Variants in CHRNA5 observed in about 807,000 individuals in gnomAD.
CHRNA5 encodes the protein cholinergic receptor nicotinic alpha 5 subunit.
A neutral mutation model predicts 41.2 loss-of-function variants in CHRNA5; 28 were observed. That is an observed-to-expected ratio of 0.68 (90% CI 0.50 to 0.93). The LOEUF (loss-of-function observed/expected upper bound fraction) is 0.93, where lower values mean the gene tolerates loss of function less well. Ranked by LOEUF, CHRNA5 falls within the 40% of genes least tolerant of loss-of-function variation. The pLI, the probability that CHRNA5 is intolerant of heterozygous loss-of-function variation, is 0.00. For missense variants in CHRNA5, 481 were observed against 581.9 expected (o/e 0.83, Z 1.78); for synonymous variants, 188 against 205.8 (o/e 0.91, Z 0.74).
At chr15:78,567,252 C>CA (rs201126738) in intron 1 of CHRNA5, among the ~76,000 whole-genome samples, 3,768 of 78,564 alleles carry the variant, frequency 0.048, 125 homozygotes, top group African/African-American at 0.12. Flanking sequence ...GACTCCGTCT[C>CA]AAAAAAAAAA....
chr15:78,586,199 G>A (rs951266), intron 2 of CHRNA5, among the ~76,000 whole-genome samples: 38,799 of 152,044 alleles, frequency 0.26, 6,004 homozygotes, highest in Middle Eastern at 0.41. Flanking sequence ...CAGAAATACC[G>A]TATCTCACTG....
intron 1 of CHRNA5, among the ~76,000 whole-genome samples, chr15:78,570,845 A>T (rs981614291): frequency 2.0e-5 from 3 of 152,108 alleles, no homozygotes; most frequent in African/African-American, 7.3e-5. Flanking sequence ...TTGTTGTCAG[A>T]GGGGGGCGTC....
intron 2 of CHRNA5, among the ~76,000 whole-genome samples, chr15:78,582,262 G>A (rs2052919334): frequency 6.6e-6 from 1 of 152,104 alleles, no homozygotes; most frequent in Non-Finnish European, 1.5e-5. Context: ...AAGGTGGGTG[G>A]ATCACTTGAG....
At chr15:78,566,596 G>A (rs12908606) in intron 1 of CHRNA5, among the ~76,000 whole-genome samples, 3 of 152,166 alleles carry the variant, frequency 2.0e-5, no homozygotes, top group Non-Finnish European at 4.4e-5. Flanking sequence ...CTAAGCATCC[G>A]TTAAGCAAGA....
In CHRNA5 at chr15:78,588,283, T is replaced by G; in HGVS notation, c.304-31T>G. 1.7e-6 allele frequency: 2 copies of G among 1,204,312 alleles called. No individual in the cohort carries two copies. The highest frequency in any genetic ancestry group is 2.4e-6 in the Non-Finnish European group (2 of 843,404). 74.6% of individuals were successfully genotyped at this position (1,204,312 alleles called of 1,614,324 possible). A position where few individuals can be genotyped will look rare whatever the true frequency, so the allele number is the denominator to read the frequency against. On this transcript the variant is annotated intron_variant, in intron 3 of 5. Transcript: ENST00000299565. The surrounding 1 kb of genome is among the most constrained non-coding windows in gnomAD (Gnocchi z 4.1). ...CACTGTTTTTGACTATTAGTTTTAT[T>G]GAAATTGAGGCAGATTTCTTTGTTT...
intron 1 of CHRNA5, among the ~76,000 whole-genome samples, chr15:78,567,239 C>A (rs549589682): frequency 6.9e-6 from 1 of 145,174 alleles, no homozygotes; most frequent in Non-Finnish European, 1.5e-5. Context: ...GGCAACACAG[C>A]GAGACTCCGT....
chr15:78,593,478 TATCTG>T (rs2053045496), exon 6 of CHRNA5: 1 of 350,840 alleles, frequency 2.9e-6, no homozygotes, highest in Non-Finnish European at 5.1e-6. Flanking sequence ...AGCAAAATAT[TATCTG>T]AACTGGACTA....
chr15:78,567,363 C>G (rs992772770), intron 1 of CHRNA5, among the ~76,000 whole-genome samples: 1 of 152,058 alleles, frequency 6.6e-6, no homozygotes, highest in Non-Finnish European at 1.5e-5. Context: ...CAGTGCCTGA[C>G]ACTCGAGAAA....
chr15:78,592,725 GTC>G (rs1167064519), intron 5 of CHRNA5, among the ~76,000 whole-genome samples: 1 of 152,184 alleles, frequency 6.6e-6, no homozygotes, highest in Non-Finnish European at 1.5e-5. Context: ...TCAGGCTAGA[GTC>G]TCTCAAAATA....
At chr15:78,576,247 A>G (rs1027758977) in intron 1 of CHRNA5, among the ~76,000 whole-genome samples, 2 of 152,116 alleles carry the variant, frequency 1.3e-5, no homozygotes, top group Non-Finnish European at 2.9e-5. Context: ...CCCAGGTTCA[A>G]TAGATCCTCC....
chr15:78,568,762 T>A (rs563214054), intron 1 of CHRNA5, among the ~76,000 whole-genome samples: 3 of 152,330 alleles, frequency 2.0e-5, no homozygotes, highest in African/African-American at 4.8e-5. Flanking sequence ...GTTAGTTTGC[T>A]GAGCATGATG....
intron 1 of CHRNA5, among the ~76,000 whole-genome samples, chr15:78,570,424 A>ACTTTTTTTTTTTTT (rs1555414803): frequency 1.6e-5 from 1 of 64,184 alleles, no homozygotes; most frequent in Non-Finnish European, 2.7e-5. Flanking sequence ...AATCCCGGCT[A>ACTTTTTTTTTTTTT]TTTTTTTTTT....
chr15:78,582,490 AAAAAAGAAAAG>A (rs1567058289), intron 2 of CHRNA5, among the ~76,000 whole-genome samples: 1 of 137,852 alleles, frequency 7.3e-6, no homozygotes, highest in Non-Finnish European at 1.6e-5. Context: ...GTCTCAAAAA[AAAAAAGAAAAG>A]AAAAGAAAAA....
At chr15:78,570,786 C>T (rs2052797260) in intron 1 of CHRNA5, among the ~76,000 whole-genome samples, 1 of 151,890 alleles carries the variant, frequency 6.6e-6, no homozygotes, top group Non-Finnish European at 1.5e-5. Flanking sequence ...AAACTCTTTC[C>T]TCTAGGTCAG....
At chr15:78,589,953 T>C in exon 5 of CHRNA5, 9 of 1,614,140 alleles carry the variant, frequency 5.6e-6, no homozygotes, top group Non-Finnish European at 7.6e-6. Context: ...TTCCATGAAA[T>C]TTGGTTCTTG....
intron 4 of CHRNA5, chr15:78,589,538 C>A: frequency 2.7e-6 from 1 of 366,122 alleles, no homozygotes; most frequent in Non-Finnish European, 4.9e-6. Context: ...TCTTTTCAAT[C>A]ATTAGAATCT....
chr15:78,565,704 G>A, exon 1 of CHRNA5: 1 of 1,107,738 alleles, frequency 9.0e-7, no homozygotes, highest in Non-Finnish European at 1.1e-6. Context: ...CCGCGGTCCC[G>A]CGCGGGCGCG....
At chr15:78,593,296 A>T in exon 6 of CHRNA5, 2 of 1,516,476 alleles carry the variant, frequency 1.3e-6, no homozygotes, top group Non-Finnish European at 1.8e-6. Context: ...TAACACACAT[A>T]TATCTGATGG....
At chr15:78,590,134 G>A (rs775819304) in exon 5 of CHRNA5, 37 of 1,614,008 alleles carry the variant, frequency 2.3e-5, no homozygotes, top group African/African-American at 6.7e-5. Context: ...GTAATCAAGC[G>A]CCTGCCTCTC....
Sources: gnomAD v4.1 joint callset for allele counts (sites outside exome capture counted in the v4.1 genomes callset) on GRCh38, gnomAD v4.1.1 for gene constraint, Gnocchi (gnomAD v3.1) non-coding constraint, MANE v1.5 for transcripts, NCBI Gene and HGNC (gene_info 2026-07-23, HGNC 2026-07-21) for gene names.